The following PARM1 variants were observed in gnomAD, a reference collection of about 807,000 sequenced individuals.
PARM1 encodes the protein prostate androgen-regulated mucin-like protein 1, also known as WSC4, cell wall integrity and stress response component 4 homolog.
In PARM1, 14 loss-of-function variants were observed where a neutral mutation model predicts 24.6. The observed-to-expected ratio is 0.57, with a 90% CI of 0.38 to 0.89. The LOEUF is 0.89. Among genes scored for constraint, PARM1 ranks in the 40% least tolerant of loss-of-function variants. The probability of loss-of-function intolerance (pLI) is 0.00; values close to 1 mark genes in which losing one functional copy is unlikely to be tolerated. For missense variants in PARM1, 362 were observed against 380.4 expected, an observed-to-expected ratio of 0.95 and a Z score of 0.40; for synonymous variants, 179 against 156.6, an observed-to-expected ratio of 1.14 and a Z score of -1.07.
At chr4:74,992,301 CA>C (rs1722493708) in intron 1 of PARM1, among the ~76,000 whole-genome samples, 1 of 151,914 alleles carries the variant, frequency 6.6e-6, no homozygotes, top group Non-Finnish European at 1.5e-5. Flanking sequence ...AGAACGTTTT[CA>C]AAATAAAACG....
chr4:74,986,780 G>T (rs543294857), intron 1 of PARM1, among the ~76,000 whole-genome samples: 14 of 152,094 alleles, frequency 9.2e-5, no homozygotes, highest in Non-Finnish European at 2.1e-4. Flanking sequence ...AATATCCATG[G>T]CAGAAAGTTC....
At chr4:74,937,496 A>G (rs987242182) in intron 1 of PARM1, among the ~76,000 whole-genome samples, 4 of 152,218 alleles carry the variant, frequency 2.6e-5, no homozygotes, top group African/African-American at 9.6e-5. Flanking sequence ...TCTAAGTTTT[A>G]CTACTTACTA....
At chr4:75,017,270 G>A (rs887743259) in intron 2 of PARM1, among the ~76,000 whole-genome samples, 1 of 152,132 alleles carries the variant, frequency 6.6e-6, no homozygotes, top group Non-Finnish European at 1.5e-5. Flanking sequence ...TCCCCGCTCT[G>A]AATCAGAGAA....
intron 1 of PARM1, among the ~76,000 whole-genome samples, chr4:74,934,059 T>TG (rs1385234330): frequency 6.6e-6 from 1 of 152,120 alleles, no homozygotes; most frequent in African/African-American, 2.4e-5. Flanking sequence ...CCCCTCCCCC[T>TG]GCACCACCTC....
intron 1 of PARM1, 72 bp downstream of exon 1, chr4:74,933,442 G>A: frequency 2.3e-6 from 3 of 1,332,000 alleles, no homozygotes; most frequent in Admixed American, 3.4e-5. Flanking sequence ...GGTCGGGGCT[G>A]AAGCTAGGAG....
intron 1 of PARM1, among the ~76,000 whole-genome samples, chr4:74,960,054 C>G (rs536451054): frequency 7.2e-5 from 11 of 152,214 alleles, no homozygotes; most frequent in Non-Finnish European, 1.3e-4. Context: ...CCATGGCAGA[C>G]AGTTGTGCAC....
chr4:74,997,359 G>A (rs17000061), intron 1 of PARM1, among the ~76,000 whole-genome samples: 1,528 of 152,294 alleles, frequency 0.01, 32 homozygotes, highest in African/African-American at 0.035. Context: ...TCATTTAGAA[G>A]GGTATATGTG....
At chr4:75,017,115 C>A in intron 2 of PARM1, among the ~76,000 whole-genome samples, 1 of 152,110 alleles carries the variant, frequency 6.6e-6, no homozygotes, top group East Asian at 1.9e-4. Context: ...CTGGGCTGAT[C>A]GCCTCCCGTC....
rs146381513 is a variant in PARM1, at chr4:74,946,122, A to G, written c.43+12752A>G. On this transcript the variant is annotated intron_variant, in intron 1 of 3. Transcript: ENST00000307428. ...TCCTCTCACACTCTAGAAAGTACGC[A>G]GTACTATTCCCATTTTGCCGTTCAG... 1.7e-4 allele frequency among the ~76,000 whole-genome samples: 26 copies of G among 152,354 alleles called. No homozygotes were observed. In the East Asian group the frequency reaches 5.0e-3, roughly 29 times the overall value.
chr4:74,944,818 C>T (rs994518884), intron 1 of PARM1, among the ~76,000 whole-genome samples: 1 of 152,080 alleles, frequency 6.6e-6, no homozygotes, highest in Non-Finnish European at 1.5e-5. Context: ...AAATTAATGT[C>T]ATAAGAAACA....
chr4:74,989,856 A>G (rs953110437), intron 1 of PARM1, among the ~76,000 whole-genome samples: 2 of 152,170 alleles, frequency 1.3e-5, no homozygotes, highest in Non-Finnish European at 1.5e-5. Flanking sequence ...AGAAAATGGG[A>G]TAAAGACCAA....
At chr4:75,023,003 G>A (rs910623435) in intron 2 of PARM1, among the ~76,000 whole-genome samples, 4 of 152,184 alleles carry the variant, frequency 2.6e-5, no homozygotes, top group Non-Finnish European at 5.9e-5. Flanking sequence ...TTATTTAACA[G>A]TATAATGCTT....
At position 75,012,703 on chromosome 4, in the gene PARM1, G is replaced by T; in HGVS notation, c.322G>T (p.Gly108Trp). 1 of 1,613,970 alleles carries T rather than the reference G, an allele frequency of 6.2e-7. No homozygotes were observed. Among genetic ancestry groups the T allele is most frequent in the Non-Finnish European group, 8.5e-7 (1 of 1,179,872 alleles). The stretch of plus-strand genomic sequence containing the variant: ...CACAAACACAGACCCCTCACCTTCT[G>T]GGTTCTCGTCAACAAGCGGTGGAGT... ...EGTNTDPSPS[G>W]FSSTSGGVHL... The change falls in exon 2 of 4, where the codon GGG (glycine) becomes TGG (tryptophan). Residue 108 changes from glycine (G) to tryptophan (W), a missense_variant. Coordinates refer to ENST00000307428, the MANE Select transcript of PARM1 (RefSeq NM_015393.4).
chr4:75,024,407 G>C (rs560815755), intron 2 of PARM1, among the ~76,000 whole-genome samples: 3 of 152,160 alleles, frequency 2.0e-5, no homozygotes, highest in Non-Finnish European at 4.4e-5. Flanking sequence ...AAGGTGTCAG[G>C]ATAGGTAACC....
rs1740947362 is a variant in PARM1, at chr4:75,012,914, G to A, written c.533G>A (p.Ser178Asn). The A allele has an allele frequency of 1.2e-6, 2 of 1,613,898 alleles. No individual in the cohort carries two copies. Among genetic ancestry groups the A allele is most frequent in the Non-Finnish European group, 1.7e-6 (2 of 1,179,890 alleles). The part of the protein sequence containing the change: ...VFSASVTTNH[S>N]STVTSTQPTG... The stretch of plus-strand genomic sequence containing the variant: ...TCTGCCTCCGTTACTACCAACCATA[G>A]CTCCACTGTGACCAGCACCCAACCC... Residue 178 changes from serine (S) to asparagine (N), a missense_variant, in exon 2 of 4, where the codon AGC (serine) becomes AAC (asparagine). Ser to Asn is a conservative substitution (Grantham distance 46). Coordinates refer to ENST00000307428, the MANE Select transcript of PARM1 (RefSeq NM_015393.4).
intron 2 of PARM1, among the ~76,000 whole-genome samples, chr4:75,024,488 A>C (rs565276472): frequency 1.3e-4 from 20 of 152,224 alleles, no homozygotes; most frequent in Non-Finnish European, 2.2e-4. Flanking sequence ...ACTGCTTGGC[A>C]ACCAGAGTTA....
At chr4:74,945,715 A>G (rs1212103298) in intron 1 of PARM1, among the ~76,000 whole-genome samples, 1 of 152,210 alleles carries the variant, frequency 6.6e-6, no homozygotes, top group Non-Finnish European at 1.5e-5. Flanking sequence ...TTAAAACATT[A>G]TTCTAAGCTC....
rs866013194 is a variant in PARM1, at chr4:75,033,916, C to T, written c.803C>T (p.Ala268Val). ...SIAAITVTVI[A>V]VVLLVFGVAA... The stretch of plus-strand genomic sequence containing the variant: ...GCCGCCATTACCGTGACAGTCATTG[C>T]CGTGGTGCTGCTGGTGTTTGGAGTT... Residue 268 changes from alanine (A) to valine (V), a missense_variant, in exon 3 of 4, where the codon GCC (alanine) becomes GTC (valine). Physicochemically the swap from Ala to Val is moderately conservative, Grantham distance 64. Coordinates refer to ENST00000307428, the MANE Select transcript of PARM1 (RefSeq NM_015393.4). 1.4e-5 allele frequency: 22 copies of T among 1,604,142 alleles called. No homozygotes were observed. Among genetic ancestry groups the T allele is most frequent in the Non-Finnish European group, 1.9e-5 (22 of 1,175,356 alleles).
intron 1 of PARM1, among the ~76,000 whole-genome samples, chr4:74,973,624 C>T (rs949583468): frequency 6.6e-6 from 1 of 152,082 alleles, no homozygotes; most frequent in Non-Finnish European, 1.5e-5. Context: ...GTATCCTTCC[C>T]AGGACCCTCT....
Sources: allele counts gnomAD v4.1 joint callset (sites outside exome capture counted in the v4.1 genomes callset), GRCh38; gene constraint gnomAD v4.1.1; transcripts MANE v1.5; gene names NCBI Gene and HGNC (gene_info 2026-07-23, HGNC 2026-07-21).